ARHGAP31: variants seen among roughly 807,000 people sequenced by gnomAD.
ARHGAP31 encodes rho GTPase-activating protein 31.
In ARHGAP31, 34 loss-of-function variants were observed where a neutral mutation model predicts 113.9. That is an observed-to-expected ratio of 0.30 (90% CI 0.23 to 0.40). The LOEUF (loss-of-function observed/expected upper bound fraction) is 0.40, where lower values mean the gene tolerates loss of function less well. Ranked by LOEUF, ARHGAP31 falls within the 10% of genes least tolerant of loss-of-function variation. The pLI, the probability that ARHGAP31 is intolerant of heterozygous loss-of-function variation, is 1.00. For missense variants in ARHGAP31, 1,548 were observed against 1,767.1 expected (o/e 0.88, Z 2.22); for synonymous variants, 650 against 684.8 (o/e 0.95, Z 0.79).
At chr3:119,394,270 T>A (rs2080528760) in intron 8 of ARHGAP31, among the ~76,000 whole-genome samples, 1 of 152,224 alleles carries the variant, frequency 6.6e-6, no homozygotes, top group South Asian at 2.1e-4. Context: ...CTCTGATGGT[T>A]CTTGGATGTA....
intron 10 of ARHGAP31, among the ~76,000 whole-genome samples, chr3:119,403,853 C>G (rs1298285708): frequency 6.6e-6 from 1 of 152,136 alleles, no homozygotes; most frequent in East Asian, 1.9e-4. Flanking sequence ...TGCTTTTTGT[C>G]AGTTTGGCAG....
intron 1 of ARHGAP31, among the ~76,000 whole-genome samples, chr3:119,360,312 GGACGAAATCT>G (rs2080194659): frequency 6.6e-6 from 1 of 152,206 alleles, no homozygotes; most frequent in Non-Finnish European, 1.5e-5. Context: ...TCCAGAGAGG[GGACGAAATCT>G]GACCAAGTCA....
chr3:119,374,377 C>G (rs940093317), intron 3 of ARHGAP31, among the ~76,000 whole-genome samples: 1 of 152,168 alleles, frequency 6.6e-6, no homozygotes, highest in Non-Finnish European at 1.5e-5. Flanking sequence ...TGTTAGCTTC[C>G]TGAGGCCCTC....
intron 1 of ARHGAP31, among the ~76,000 whole-genome samples, chr3:119,353,040 T>A (rs2107617379): frequency 6.6e-6 from 1 of 152,354 alleles, no homozygotes; most frequent in Non-Finnish European, 1.5e-5. Context: ...TCTGCATGTA[T>A]TGTAATGTAT....
chr3:119,354,808 C>G (rs527353371), intron 1 of ARHGAP31, among the ~76,000 whole-genome samples: 8 of 149,672 alleles, frequency 5.3e-5, no homozygotes, highest in Non-Finnish European at 1.0e-4. Context: ...ATTTAATATA[C>G]TGGGGAAGAG....
intron 6 of ARHGAP31, among the ~76,000 whole-genome samples, chr3:119,383,770 T>C (rs1359905902): frequency 6.6e-6 from 1 of 152,202 alleles, no homozygotes; most frequent in African/African-American, 2.4e-5. Context: ...CATACAAAAA[T>C]GATTGTGTTT....
intron 11 of ARHGAP31, among the ~76,000 whole-genome samples, chr3:119,412,084 CT>C (rs2080721276): frequency 6.6e-6 from 1 of 152,180 alleles, no homozygotes. Flanking sequence ...AGAATTAGGC[CT>C]TGAGGCAAGA....
chr3:119,404,189 G>T (rs2080640735), intron 10 of ARHGAP31, among the ~76,000 whole-genome samples: 1 of 152,144 alleles, frequency 6.6e-6, no homozygotes. Flanking sequence ...GTTTCCAAAG[G>T]CTTTTGTGAG....
chr3:119,416,955 T>C lies in ARHGAP31; in HGVS notation c.*691T>C, dbSNP rs1292246569. The C allele has an allele frequency of 1.9e-5, 3 of 155,152 alleles. No individual in the cohort carries two copies. The highest frequency in any genetic ancestry group is 7.2e-5 in the African/African-American group (3 of 41,462). 9.6% of individuals were successfully genotyped at this position (155,152 alleles called of 1,614,324 possible). ...AGAGCAAACTCTGAGACTGGCACAA[T>C]CCAAGAAGATTTCCTGGCTCTGGCT... On this transcript the variant is annotated 3_prime_UTR_variant, in exon 12 of 12. Coordinates refer to ENST00000264245, the MANE Select transcript of ARHGAP31 (RefSeq NM_020754.4).
intron 3 of ARHGAP31, among the ~76,000 whole-genome samples, chr3:119,370,661 G>A (rs2080290472): frequency 6.6e-6 from 1 of 152,092 alleles, no homozygotes; most frequent in Non-Finnish European, 1.5e-5. Context: ...TCAACAGTGT[G>A]ATCATCTTTG....
chr3:119,303,161 C>G (rs1363499533), intron 1 of ARHGAP31, among the ~76,000 whole-genome samples: 1 of 152,234 alleles, frequency 6.6e-6, no homozygotes, highest in Admixed American at 6.5e-5. Context: ...CACTGTGGCT[C>G]TCTCAGGGTG....
intron 1 of ARHGAP31, among the ~76,000 whole-genome samples, chr3:119,333,865 T>C (rs1362488475): frequency 1.3e-5 from 2 of 152,244 alleles, no homozygotes; most frequent in Non-Finnish European, 2.9e-5. Flanking sequence ...AGTTAAGTAC[T>C]GAAGTAAAAT....
At chr3:119,357,377 G>T (rs539670559) in intron 1 of ARHGAP31, among the ~76,000 whole-genome samples, 52 of 152,294 alleles carry the variant, frequency 3.4e-4, no homozygotes, top group Admixed American at 3.1e-3. Flanking sequence ...TCAGGAAGTG[G>T]CAGGCTGTCC....
chr3:119,334,493 G>A (rs2079924897), intron 1 of ARHGAP31, among the ~76,000 whole-genome samples: 1 of 152,252 alleles, frequency 6.6e-6, no homozygotes, highest in Non-Finnish European at 1.5e-5. Flanking sequence ...CAGCCTTGGG[G>A]CTTTGTGGTC....
intron 9 of ARHGAP31, among the ~76,000 whole-genome samples, chr3:119,401,376 A>G (rs2080605463): frequency 6.6e-6 from 1 of 152,130 alleles, no homozygotes; most frequent in African/African-American, 2.4e-5. Flanking sequence ...TAAAACAAAA[A>G]GTTTTAAAGT....
chr3:119,313,699 G>C (rs889113945), intron 1 of ARHGAP31, among the ~76,000 whole-genome samples: 1 of 152,180 alleles, frequency 6.6e-6, no homozygotes, highest in Non-Finnish European at 1.5e-5. Flanking sequence ...CCACAAACTG[G>C]TATATCCATG....
chr3:119,323,180 C>A (rs973301864), intron 1 of ARHGAP31, among the ~76,000 whole-genome samples: 1 of 152,318 alleles, frequency 6.6e-6, no homozygotes, highest in East Asian at 1.9e-4. Context: ...CAGGAAAGCC[C>A]GCGCCCCCGG....
chr3:119,391,536 A>G (rs2080503398), intron 7 of ARHGAP31, among the ~76,000 whole-genome samples: 1 of 149,518 alleles, frequency 6.7e-6, no homozygotes, highest in South Asian at 2.1e-4. Context: ...TTGGTAGAAT[A>G]TTTTCTTTCC....
At chr3:119,379,670 A>G (rs1307978806) in intron 3 of ARHGAP31, among the ~76,000 whole-genome samples, 3 of 152,214 alleles carry the variant, frequency 2.0e-5, no homozygotes, top group African/African-American at 7.2e-5. Flanking sequence ...TAGGAAATAC[A>G]AGACTAAGTG....
Sources: gnomAD v4.1 joint callset for allele counts (sites outside exome capture counted in the v4.1 genomes callset) on GRCh38, gnomAD v4.1.1 for gene constraint, MANE v1.5 for transcripts, NCBI Gene and HGNC (gene_info 2026-07-23, HGNC 2026-07-21) for gene names.